The following ZNF407 variants were observed in gnomAD, a reference collection of about 807,000 sequenced individuals.
ZNF407 encodes zinc finger protein 407.
In ZNF407, 17 loss-of-function variants were observed where a neutral mutation model predicts 131.2. That is an observed-to-expected ratio of 0.13 (90% CI 0.09 to 0.19). ZNF407 has a LOEUF of 0.19. ZNF407 is among the 10% of genes least tolerant of loss of function. The pLI is 1.00. For missense variants in ZNF407, 2,681 were observed against 2,830.6 expected (o/e 0.95, Z 1.20); for synonymous variants, 1,156 against 1,062.0 (o/e 1.09, Z -1.72).
intron 3 of ZNF407, among the ~76,000 whole-genome samples, chr18:74,689,052 T>C (rs577137159): frequency 1.3e-5 from 2 of 152,278 alleles, no homozygotes; most frequent in African/African-American, 4.8e-5. Context: ...GGTCTTGAAC[T>C]CCTGACCTCA....
intron 4 of ZNF407, among the ~76,000 whole-genome samples, chr18:74,822,343 C>T (rs1568230408): frequency 6.6e-6 from 1 of 152,100 alleles, no homozygotes; most frequent in African/African-American, 2.4e-5. Flanking sequence ...TTTGCCCATG[C>T]CTATGTCCTG....
intron 4 of ZNF407, among the ~76,000 whole-genome samples, chr18:74,870,900 A>T (rs532829707): frequency 3.2e-4 from 49 of 152,314 alleles, no homozygotes; most frequent in African/African-American, 1.1e-3. Context: ...CTATGGAATT[A>T]TTTGGGTATA....
chr18:75,007,802 A>G (rs1193364991), intron 8 of ZNF407, among the ~76,000 whole-genome samples: 1 of 152,192 alleles, frequency 6.6e-6, no homozygotes, highest in Non-Finnish European at 1.5e-5. Context: ...ACAGGTAATG[A>G]CACTACTGTA....
intron 4 of ZNF407, among the ~76,000 whole-genome samples, chr18:74,839,139 G>A (rs924417262): frequency 6.6e-6 from 1 of 152,164 alleles, no homozygotes; most frequent in African/African-American, 2.4e-5. Flanking sequence ...GTGTAGTTGA[G>A]AGTTGTAGTT....
At chr18:74,780,862 T>C (rs1464243545) in intron 3 of ZNF407, among the ~76,000 whole-genome samples, 1 of 152,176 alleles carries the variant, frequency 6.6e-6, no homozygotes, top group East Asian at 1.9e-4. Context: ...AGATAGTATG[T>C]CAGGTAATAC....
At chr18:74,884,143 A>T (rs1971276199) in intron 6 of ZNF407, among the ~76,000 whole-genome samples, 1 of 152,224 alleles carries the variant, frequency 6.6e-6, no homozygotes, top group African/African-American at 2.4e-5. Flanking sequence ...ATCTTTTCAT[A>T]TAATGTATGT....
chr18:75,029,578 C>T (rs573815564), intron 8 of ZNF407, among the ~76,000 whole-genome samples: 3 of 151,868 alleles, frequency 2.0e-5, no homozygotes, highest in South Asian at 2.1e-4. Context: ...AGTGTGTGTG[C>T]GTGCGTGTGT....
At position 74,743,887 on chromosome 18, in the gene ZNF407, T is replaced by C. The variant is rs1320456224; in HGVS notation, c.4803-37541T>C. ...GTTAATTGGTACATTAATTTGTTTTTTCTTTTAAAACTTTTAGAAAAGCTT... is the reference window on the plus strand; with the variant it reads ...GTTAATTGGTACATTAATTTGTTTTCTCTTTTAAAACTTTTAGAAAAGCTT... On this transcript the variant is annotated intron_variant, in intron 3 of 8. Transcript: ENST00000299687. Among the ~76,000 whole-genome samples, 6 of 152,278 alleles carry C rather than the reference T, an allele frequency of 3.9e-5. No homozygotes were observed. The East Asian group carries it at 1.2e-3, about 29-fold the overall frequency.
chr18:74,844,318 G>A (rs1029068390), intron 4 of ZNF407, among the ~76,000 whole-genome samples: 10 of 152,278 alleles, frequency 6.6e-5, no homozygotes, highest in Middle Eastern at 3.4e-3. Context: ...AGCACAAGGC[G>A]CTTGCCTGTG....
In ZNF407 at chr18:74,632,360, A is replaced by G. The variant is rs984765126; in HGVS notation, c.1341A>G (p.Leu447=). The G allele has an allele frequency of 6.8e-6, 11 of 1,614,028 alleles. No homozygotes were observed. Among genetic ancestry groups the G allele is most frequent in the Non-Finnish European group, 8.5e-6 (10 of 1,179,904 alleles). Residue 447 remains leucine (L), a synonymous_variant, in exon 2 of 9, where the codon TTA becomes TTG. Transcript: ENST00000299687. The stretch of plus-strand genomic sequence containing the variant: ...AGGCAAAGAAAAGGTTTAATCTTTT[A>G]GGAATTAAAAGAGGTACAAGTGAAA... ...KGQAKKRFNL[L]GIKRGTSETQ...
chr18:74,659,637 A>G (rs1166800975), intron 3 of ZNF407, among the ~76,000 whole-genome samples: 2 of 152,214 alleles, frequency 1.3e-5, no homozygotes, highest in Non-Finnish European at 2.9e-5. Context: ...TTTCATAAGA[A>G]AGCACATAAT....
At chr18:74,926,886 A>G (rs1367309180) in intron 8 of ZNF407, among the ~76,000 whole-genome samples, 1 of 152,224 alleles carries the variant, frequency 6.6e-6, no homozygotes, top group African/African-American at 2.4e-5. Context: ...TTCAGTACGC[A>G]TATCTTCCTT....
intron 8 of ZNF407, among the ~76,000 whole-genome samples, chr18:74,945,842 G>A (rs1443703279): frequency 6.6e-6 from 1 of 152,058 alleles, no homozygotes; most frequent in East Asian, 1.9e-4. Context: ...ATGCCCTCTA[G>A]CACTATTGTT....
chr18:74,762,772 GATAGTTA>G (rs1476558153), intron 3 of ZNF407, among the ~76,000 whole-genome samples: 2 of 151,492 alleles, frequency 1.3e-5, no homozygotes, highest in African/African-American at 2.4e-5. Flanking sequence ...GTTGTATATT[GATAGTTA>G]ATTCCTCATT....
chr18:74,704,181 C>T (rs1224724474), intron 3 of ZNF407, among the ~76,000 whole-genome samples: 1 of 152,188 alleles, frequency 6.6e-6, no homozygotes, highest in African/African-American at 2.4e-5. Context: ...TGAAGCTCAT[C>T]AGCTCCATTC....
At chr18:75,019,169 G>T (rs1239854065) in intron 8 of ZNF407, among the ~76,000 whole-genome samples, 1 of 152,042 alleles carries the variant, frequency 6.6e-6, no homozygotes, top group Non-Finnish European at 1.5e-5. Flanking sequence ...AAGAAAATCA[G>T]TATGTTTATG....
At chr18:75,014,634 C>T (rs925446415) in intron 8 of ZNF407, among the ~76,000 whole-genome samples, 10 of 151,958 alleles carry the variant, frequency 6.6e-5, no homozygotes, top group Admixed American at 5.9e-4. Context: ...AAACCATCGA[C>T]CAAAATAAAA....
At position 74,947,007 on chromosome 18, in the gene ZNF407, G is replaced by A. The variant is rs1054644598; in HGVS notation, c.5428+26315G>A. 9.2e-5 allele frequency among the ~76,000 whole-genome samples: 14 copies of A among 152,242 alleles called. No individual in the cohort carries two copies. In the East Asian group the frequency reaches 2.7e-3, roughly 29 times the overall value. ...ATTTTTCTTTTGGTCATTGAAGTGA[G>A]GGTTTCTAGTCTGTGTGGTTTATCT... is the stretch of plus-strand genomic sequence containing the variant. On this transcript the variant is annotated intron_variant, in intron 8 of 8. Coordinates refer to ENST00000299687, the MANE Select transcript of ZNF407 (RefSeq NM_017757.3).
At chr18:74,628,485 A>G (rs1484130713) in intron 1 of ZNF407, among the ~76,000 whole-genome samples, 3 of 152,214 alleles carry the variant, frequency 2.0e-5, no homozygotes, top group African/African-American at 4.8e-5. Flanking sequence ...GACATTTCAT[A>G]TAAAAAGGAA....
Sources: allele counts gnomAD v4.1 joint callset (sites outside exome capture counted in the v4.1 genomes callset), GRCh38; gene constraint gnomAD v4.1.1; transcripts MANE v1.5; gene names NCBI Gene and HGNC (gene_info 2026-07-23, HGNC 2026-07-21).